Variants in RSF1 observed in about 807,000 individuals in gnomAD.
The protein encoded by RSF1 is remodeling and spacing factor 1, also known as HBV pX-associated protein 8.
RSF1 carries 13 observed loss-of-function variants against 145.2 expected under a neutral mutation model. The observed-to-expected ratio is 0.09, with a 90% CI of 0.06 to 0.14. RSF1 has a LOEUF of 0.14. Among genes scored for constraint, RSF1 ranks in the 10% least tolerant of loss-of-function variants. The pLI is 1.00. For synonymous variants in RSF1, 577 were observed against 592.6 expected (o/e 0.97, Z 0.38); for missense variants, 1,517 against 1,718.2 (o/e 0.88, Z 2.07).
intron 4 of RSF1, among the ~76,000 whole-genome samples, chr11:77,733,422 T>C (rs529926560): frequency 1.4e-5 from 2 of 145,798 alleles, no homozygotes; most frequent in East Asian, 2.0e-4. Context: ...GTATACTTGG[T>C]ACAAAAGTAC....
intron 7 of RSF1, among the ~76,000 whole-genome samples, chr11:77,694,501 T>C (rs1283470793): frequency 6.6e-6 from 1 of 152,220 alleles, no homozygotes; most frequent in Non-Finnish European, 1.5e-5. Context: ...GGTCTAAAAC[T>C]AAACACAGTA....
chr11:77,800,736 C>A (rs959370872), intron 1 of RSF1, among the ~76,000 whole-genome samples: 1 of 152,082 alleles, frequency 6.6e-6, no homozygotes, highest in Non-Finnish European at 1.5e-5. Flanking sequence ...GTGGCAAACA[C>A]CTGTACTCCC....
At chr11:77,822,165 C>T (rs1383546416), upstream of RSF1, among the ~76,000 whole-genome samples, 4 of 151,984 alleles carry the variant, frequency 2.6e-5, no homozygotes, top group Non-Finnish European at 5.9e-5. Context: ...TTTGGCCGGG[C>T]GCGGTGGCTC....
Position 77,734,456 on chromosome 11 carries a change from C to T in RSF1, c.578+6275G>A, listed in dbSNP as rs528543034. The T allele has an allele frequency of 4.4e-5, 68 of 1,562,892 alleles. No homozygotes were observed. In the South Asian group the frequency reaches 5.0e-4, roughly 11 times the overall value. ...GACCAGGGAAGTCACCCCACGGCTA[C>T]GGGGAAATTAGCCGAGGCTTAGCTT... On this transcript the variant is annotated intron_variant, in intron 4 of 15. Transcript: ENST00000308488.
intron 11 of RSF1, among the ~76,000 whole-genome samples, chr11:77,678,605 CT>C (rs1959776604): frequency 6.6e-6 from 1 of 152,132 alleles, no homozygotes; most frequent in Non-Finnish European, 1.5e-5. Flanking sequence ...AATATTAAAT[CT>C]CAAGGTGATG....
At chr11:77,821,916 TC>T (rs1297785345), upstream of RSF1, among the ~76,000 whole-genome samples, 3 of 152,104 alleles carry the variant, frequency 2.0e-5, no homozygotes, top group African/African-American at 7.2e-5. Flanking sequence ...TTCTTTGAAC[TC>T]CTTAGAGTGG....
At chr11:77,820,787 A>G (rs2136001991), upstream of RSF1, 1 of 1,446,880 alleles carries the variant, frequency 6.9e-7, no homozygotes, top group Non-Finnish European at 9.3e-7. Context: ...TGGCAAGGCA[A>G]CCTTACAGAC....
chr11:77,754,863 G>C (rs1422024270), intron 2 of RSF1, among the ~76,000 whole-genome samples: 1 of 149,298 alleles, frequency 6.7e-6, no homozygotes, highest in African/African-American at 2.5e-5. Context: ...TAGCTACTAG[G>C]GAGGCTGAGG....
At position 77,725,577 on chromosome 11, in the gene RSF1, T is replaced by C. The variant is rs983358095; in HGVS notation, c.701A>G (p.Glu234Gly). ...SRESPSLEDE[E>G]TKKEEETPKQ... ...AGGTGTTTCTTCCTCTTTTTTAGTC[T>C]CCTCATCCTCTAAGCTGGGACTTTC... The change falls in exon 5 of 16, where the codon GAG becomes GGG. Residue 234 changes from glutamate to glycine, a missense_variant. Coordinates refer to ENST00000308488, the MANE Select transcript of RSF1 (RefSeq NM_016578.4). 2 of 1,595,108 alleles carry C rather than the reference T, an allele frequency of 1.3e-6. No individual in the cohort carries two copies. Among genetic ancestry groups the C allele is most frequent in the African/African-American group, 2.7e-5 (2 of 74,318 alleles).
At chr11:77,817,232 T>C (rs1306454232) in intron 1 of RSF1, among the ~76,000 whole-genome samples, 1 of 152,214 alleles carries the variant, frequency 6.6e-6, no homozygotes, top group East Asian at 1.9e-4. Context: ...TAGCTAAATT[T>C]CAACAAATAA....
intron 1 of RSF1, among the ~76,000 whole-genome samples, chr11:77,800,385 G>T (rs190846690): frequency 3.3e-5 from 5 of 151,904 alleles, no homozygotes; most frequent in Admixed American, 6.6e-5. Flanking sequence ...CCAGCTTTGC[G>T]GGAGGCTGAG....
chr11:77,690,520 C>A (rs1960125677), intron 9 of RSF1, among the ~76,000 whole-genome samples: 1 of 152,172 alleles, frequency 6.6e-6, no homozygotes, highest in Non-Finnish European at 1.5e-5. Context: ...GTGGCGTGAT[C>A]TTGGCTCACT....
rs1459063853 is a variant in RSF1 at position 77,665,224 on chromosome 11, A to G, written c.*1693T>C. ...CAGCTTTTTAGTAATAAAAAAGAGAAGTGCTTTACTATACACTGACTAGCA... is the reference window on the plus strand; with the variant it reads ...CAGCTTTTTAGTAATAAAAAAGAGAGGTGCTTTACTATACACTGACTAGCA... On this transcript the variant is annotated 3_prime_UTR_variant, in exon 16 of 16. Transcript: ENST00000308488. 1 of 152,244 alleles carries G rather than the reference A, an allele frequency of 6.6e-6. No individual in the cohort carries two copies. Among genetic ancestry groups the G allele is most frequent in the Non-Finnish European group, 1.5e-5 (1 of 68,044 alleles). 9.4% of individuals were successfully genotyped at this position (152,244 alleles called of 1,614,324 possible).
chr11:77,711,505 A>G (rs112064787), intron 5 of RSF1, among the ~76,000 whole-genome samples: 1 of 152,114 alleles, frequency 6.6e-6, no homozygotes, highest in African/African-American at 2.4e-5. Context: ...CATCTGTACT[A>G]AAAATACAAA....
the RSF1 span, among the ~76,000 whole-genome samples, chr11:77,867,914 A>C: frequency 6.6e-6 from 1 of 152,176 alleles, no homozygotes; most frequent in Non-Finnish European, 1.5e-5. Context: ...AAAAAGTAAC[A>C]ATATAGAGAT....
upstream of RSF1, among the ~76,000 whole-genome samples, chr11:77,822,150 A>G (rs1948937960): frequency 6.6e-6 from 1 of 152,152 alleles, no homozygotes; most frequent in South Asian, 2.1e-4. Flanking sequence ...AATTCCTAAA[A>G]AGAATTTGGC....
chr11:77,762,022 C>CTTTTT (rs1554994575), intron 2 of RSF1: 3 of 80,254 alleles, frequency 3.7e-5, no homozygotes, highest in Admixed American at 1.7e-4. Context: ...ATTTTCTTTT[C>CTTTTT]TTTTCTTTTT....
chr11:77,868,721 T>G, the RSF1 span: 1 of 222,680 alleles, frequency 4.5e-6, no homozygotes, highest in Non-Finnish European at 1.0e-5. Context: ...AATTATGGCG[T>G]GAATTCACAG....
chr11:77,697,773 G>A (rs2135848932), intron 7 of RSF1, among the ~76,000 whole-genome samples: 1 of 151,548 alleles, frequency 6.6e-6, no homozygotes, highest in African/African-American at 2.4e-5. Context: ...TTTAATAAAG[G>A]CATCTAATGT....
Sources: allele counts gnomAD v4.1 joint callset (sites outside exome capture counted in the v4.1 genomes callset), GRCh38; gene constraint gnomAD v4.1.1; transcripts MANE v1.5; gene names NCBI Gene and HGNC (gene_info 2026-07-23, HGNC 2026-07-21).